The following SHISAL1 variants were observed in gnomAD, a reference collection of about 807,000 sequenced individuals.
SHISAL1 encodes the protein shisa like 1.
In SHISAL1, 9 loss-of-function variants were observed where a neutral mutation model predicts 22.6. The observed-to-expected ratio is 0.40, with a 90% CI of 0.24 to 0.70. The LOEUF is 0.70. Among genes scored for constraint, SHISAL1 ranks in the 30% least tolerant of loss-of-function variants. The pLI is 0.39. For synonymous variants in SHISAL1, 119 were observed against 115.4 expected (o/e 1.03, Z -0.20); for missense variants, 246 against 270.6 (o/e 0.91, Z 0.64).
intron 4 of SHISAL1, among the ~76,000 whole-genome samples, chr22:44,273,434 G>T (rs1405897117): frequency 3.3e-5 from 5 of 152,194 alleles, no homozygotes; most frequent in African/African-American, 1.2e-4. Context: ...AAAGAACTAA[G>T]AAGTGATACT....
chr22:44,252,835 A>G (rs987009400), intron 4 of SHISAL1, among the ~76,000 whole-genome samples: 1 of 151,932 alleles, frequency 6.6e-6, no homozygotes, highest in African/African-American at 2.4e-5. Context: ...TCTACTAAAA[A>G]TACAAAAAAA....
At position 44,301,731 on chromosome 22, in the gene SHISAL1, G is replaced by A. The variant is rs2055430809; in HGVS notation, c.-32-754C>T. Among the ~76,000 whole-genome samples, 2 of 152,272 alleles carry A rather than the reference G, an allele frequency of 1.3e-5. 1 individual carries two copies. The highest frequency in any genetic ancestry group is 2.9e-5 in the Non-Finnish European group (2 of 68,032). On this transcript the variant is annotated intron_variant, in intron 1 of 4. Coordinates refer to ENST00000381176, the MANE Select transcript of SHISAL1 (RefSeq NM_001099294.2). ...TGCACATTACTCTCCCAAAACAGGAGGGAAACTATGATACATGCTACAGCA... is the reference window on the plus strand; with the variant it reads ...TGCACATTACTCTCCCAAAACAGGAAGGAAACTATGATACATGCTACAGCA...
intron 4 of SHISAL1, among the ~76,000 whole-genome samples, chr22:44,277,556 G>T (rs749855948): frequency 9.2e-5 from 14 of 152,218 alleles, no homozygotes; most frequent in Non-Finnish European, 1.8e-4. Flanking sequence ...GGATCGCTGG[G>T]CCGCACCTCC....
At chr22:44,278,500 C>T (rs148556609) in intron 4 of SHISAL1, among the ~76,000 whole-genome samples, 1 of 152,318 alleles carries the variant, frequency 6.6e-6, no homozygotes, top group Non-Finnish European at 1.5e-5. Context: ...GCGACTGTCC[C>T]TTGGGGGAGT....
At chr22:44,264,807 C>T (rs2055150224) in intron 4 of SHISAL1, among the ~76,000 whole-genome samples, 1 of 151,966 alleles carries the variant, frequency 6.6e-6, no homozygotes, top group South Asian at 2.1e-4. Context: ...AATTCACAAG[C>T]CATGTGACCT....
chr22:44,281,797 G>A (rs2055278529), intron 4 of SHISAL1, among the ~76,000 whole-genome samples: 1 of 152,184 alleles, frequency 6.6e-6, no homozygotes, highest in Non-Finnish European at 1.5e-5. Context: ...ACTAAGCGGA[G>A]GGAAAGCCCC....
intron 4 of SHISAL1, among the ~76,000 whole-genome samples, chr22:44,276,070 A>G (rs1303287707): frequency 6.6e-6 from 1 of 152,238 alleles, no homozygotes; most frequent in African/African-American, 2.4e-5. Flanking sequence ...ACAGGCACAA[A>G]GCCACAAAGC....
At chr22:44,258,914 G>T (rs768082935) in intron 4 of SHISAL1, among the ~76,000 whole-genome samples, 1 of 152,156 alleles carries the variant, frequency 6.6e-6, no homozygotes, top group African/African-American at 2.4e-5. Context: ...TCAGGGGGCA[G>T]GTACAGTAAG....
chr22:44,309,723 G>A (rs1455237047), intron 1 of SHISAL1, among the ~76,000 whole-genome samples: 1 of 152,178 alleles, frequency 6.6e-6, no homozygotes, highest in Non-Finnish European at 1.5e-5. Flanking sequence ...TGTATCATCA[G>A]GGATGTTTAA....
At chr22:44,276,187 G>C (rs61310374) in intron 4 of SHISAL1, among the ~76,000 whole-genome samples, 2,971 of 152,236 alleles carry the variant, frequency 0.02, 106 homozygotes, top group African/African-American at 0.068. Flanking sequence ...CCTTGGCCAG[G>C]GAAGGCCCCT....
At chr22:44,262,205 C>T (rs528593672) in intron 4 of SHISAL1, among the ~76,000 whole-genome samples, 1 of 152,176 alleles carries the variant, frequency 6.6e-6, no homozygotes, top group Non-Finnish European at 1.5e-5. Flanking sequence ...CTTGTTGGGA[C>T]GACAGGGAGG....
At chr22:44,265,747 C>T (rs529401971) in intron 4 of SHISAL1, among the ~76,000 whole-genome samples, 1 of 152,360 alleles carries the variant, frequency 6.6e-6, no homozygotes, top group East Asian at 1.9e-4. Flanking sequence ...GGACATCCCT[C>T]TACTCTATCC....
chr22:44,290,002 C>T (rs2147294186), intron 3 of SHISAL1, among the ~76,000 whole-genome samples: 1 of 152,302 alleles, frequency 6.6e-6, no homozygotes, highest in Admixed American at 6.5e-5. Flanking sequence ...AAGCAGTAAA[C>T]AAAACCTCTG....
At chr22:44,297,713 A>C (rs2055397163) in intron 2 of SHISAL1, among the ~76,000 whole-genome samples, 1 of 152,392 alleles carries the variant, frequency 6.6e-6, no homozygotes, top group East Asian at 1.9e-4. Context: ...CAGGACTGAA[A>C]GTCTGAACAA....
chr22:44,318,593 G>A, the SHISAL1 span, among the ~76,000 whole-genome samples: 1 of 152,218 alleles, frequency 6.6e-6, no homozygotes, highest in African/African-American at 2.4e-5. Flanking sequence ...TCTGAAGCAG[G>A]CTGCTAACCC....
chr22:44,274,065 C>A (rs1174307408), intron 4 of SHISAL1, among the ~76,000 whole-genome samples: 2 of 138,466 alleles, frequency 1.4e-5, no homozygotes, highest in Non-Finnish European at 1.6e-5. Context: ...CCCTCCCCCC[C>A]ACCCACCCTG....
chr22:44,263,941 T>C (rs1035747273), intron 4 of SHISAL1, among the ~76,000 whole-genome samples: 17 of 152,286 alleles, frequency 1.1e-4, no homozygotes, highest in Non-Finnish European at 1.8e-4. Flanking sequence ...ACTCACACAA[T>C]ACCCAAGAGA....
intron 3 of SHISAL1, among the ~76,000 whole-genome samples, chr22:44,291,681 C>A (rs778639403): frequency 5.9e-5 from 9 of 152,104 alleles, no homozygotes; most frequent in Non-Finnish European, 8.8e-5. Flanking sequence ...TCCCCACCTC[C>A]CACCCCCTGC....
At chr22:44,261,748 C>T (rs135427) in intron 4 of SHISAL1, among the ~76,000 whole-genome samples, 105,224 of 152,220 alleles carry the variant, frequency 0.69, 36,356 homozygotes, top group East Asian at 0.78. Flanking sequence ...GTCACATACC[C>T]GTGAGTGCAG....
Sources: allele counts gnomAD v4.1 joint callset (sites outside exome capture counted in the v4.1 genomes callset), GRCh38; gene constraint gnomAD v4.1.1; transcripts MANE v1.5; gene names NCBI Gene and HGNC (gene_info 2026-07-23, HGNC 2026-07-21).